Variants in RBMS3 observed in about 807,000 individuals in gnomAD.
The protein encoded by RBMS3 is RNA binding motif single stranded interacting protein 3.
In RBMS3, 27 loss-of-function variants were observed where a neutral mutation model predicts 66.8. That is an observed-to-expected ratio of 0.40 (90% CI 0.30 to 0.56). The LOEUF (loss-of-function observed/expected upper bound fraction) is 0.56, where lower values mean the gene tolerates loss of function less well. Ranked by LOEUF, RBMS3 falls within the 20% of genes least tolerant of loss-of-function variation. The pLI is 0.40. For synonymous variants in RBMS3, 188 were observed against 183.0 expected, an observed-to-expected ratio of 1.03 and a Z score of -0.22; for missense variants, 513 against 549.5, an observed-to-expected ratio of 0.93 and a Z score of 0.66.
intron 7 of RBMS3, among the ~76,000 whole-genome samples, chr3:29,878,000 A>G: frequency 6.6e-6 from 1 of 152,044 alleles, no homozygotes; most frequent in Admixed American, 6.6e-5. Context: ...GTAGAAGATA[A>G]GTTTTCCGTT....
At chr3:29,838,909 A>T (rs2058596118) in intron 6 of RBMS3, among the ~76,000 whole-genome samples, 1 of 152,166 alleles carries the variant, frequency 6.6e-6, no homozygotes, top group African/African-American at 2.4e-5. Context: ...TATAGATATG[A>T]TCAAAGATGA....
intron 3 of RBMS3, among the ~76,000 whole-genome samples, chr3:29,559,327 C>T (rs1413966682): frequency 6.6e-6 from 1 of 151,732 alleles, no homozygotes; most frequent in African/African-American, 2.4e-5. Context: ...GCTATGAATT[C>T]TGTTATTGCA....
chr3:29,543,565 C>G (rs1425988716), intron 3 of RBMS3, among the ~76,000 whole-genome samples: 1 of 151,928 alleles, frequency 6.6e-6, no homozygotes, highest in African/African-American at 2.4e-5. Flanking sequence ...CAAAAAGTAG[C>G]CAGGTTTGGT....
chr3:29,607,901 G>C (rs2048365226), intron 4 of RBMS3, among the ~76,000 whole-genome samples: 1 of 151,684 alleles, frequency 6.6e-6, no homozygotes, highest in Non-Finnish European at 1.5e-5. Flanking sequence ...AAGCTTTGTG[G>C]AAAAAGATAG....
rs539577558 is a variant in RBMS3, at chr3:29,355,371, G to C, written c.75+73615G>C. 3.9e-5 allele frequency among the ~76,000 whole-genome samples: 6 copies of C among 152,128 alleles called. No homozygotes were observed. The East Asian group carries it at 1.2e-3, about 29-fold the overall frequency. ...GGTTTCATTAAGAAGAGGTGATACA[G>C]AAAAACAACACCATATTTTTCTAAC... On this transcript the variant is annotated intron_variant, in intron 1 of 14. Transcript: ENST00000383767.
At chr3:29,762,500 A>G (rs2055735223) in intron 5 of RBMS3, among the ~76,000 whole-genome samples, 1 of 152,090 alleles carries the variant, frequency 6.6e-6, no homozygotes, top group African/African-American at 2.4e-5. Context: ...CTCTTATTGG[A>G]AAGGTAGTTT....
At chr3:29,782,058 C>T (rs1195452761) in intron 6 of RBMS3, among the ~76,000 whole-genome samples, 3 of 152,076 alleles carry the variant, frequency 2.0e-5, no homozygotes, top group Admixed American at 2.0e-4. Flanking sequence ...TACCCACCCT[C>T]GGAGTCGAAG....
chr3:29,667,589 G>T (rs1030120247), intron 4 of RBMS3, among the ~76,000 whole-genome samples: 1 of 152,164 alleles, frequency 6.6e-6, no homozygotes, highest in South Asian at 2.1e-4. Context: ...ATGCAGAACA[G>T]TAAGATGCAA....
intron 1 of RBMS3, among the ~76,000 whole-genome samples, chr3:29,308,757 A>AAAC (rs1553630892): frequency 2.4e-3 from 15 of 6,380 alleles, no homozygotes; most frequent in Non-Finnish European, 7.8e-3. Flanking sequence ...AAAAAAAAAC[A>AAAC]AAAAAAAAAA....
At chr3:29,539,393 T>C (rs1388928224) in intron 3 of RBMS3, among the ~76,000 whole-genome samples, 1 of 152,224 alleles carries the variant, frequency 6.6e-6, no homozygotes, top group Non-Finnish European at 1.5e-5. Context: ...TACTTTATGG[T>C]CCTTGAAAAG....
At chr3:29,563,940 C>A (rs554430088) in intron 3 of RBMS3, among the ~76,000 whole-genome samples, 5 of 150,098 alleles carry the variant, frequency 3.3e-5, no homozygotes, top group African/African-American at 1.2e-4. Flanking sequence ...TCATTTGAGC[C>A]TGGAAGATTG....
intron 1 of RBMS3, among the ~76,000 whole-genome samples, chr3:29,328,946 A>C (rs1307545589): frequency 6.6e-6 from 1 of 152,144 alleles, no homozygotes; most frequent in African/African-American, 2.4e-5. Flanking sequence ...GAGTGTTCAG[A>C]TGTGAAAACA....
At chr3:29,668,152 C>G (rs968749755) in intron 4 of RBMS3, among the ~76,000 whole-genome samples, 3 of 152,110 alleles carry the variant, frequency 2.0e-5, no homozygotes, top group Non-Finnish European at 4.4e-5. Flanking sequence ...AGACTAAGAG[C>G]CTTTAATACA....
chr3:29,987,481 G>A (rs755854465), intron 12 of RBMS3, among the ~76,000 whole-genome samples: 3 of 152,000 alleles, frequency 2.0e-5, no homozygotes, highest in East Asian at 1.9e-4. Flanking sequence ...TATTCATCCC[G>A]ATAAGAAAAA....
chr3:29,677,560 C>T (rs578124254), intron 4 of RBMS3, among the ~76,000 whole-genome samples: 22 of 152,106 alleles, frequency 1.4e-4, no homozygotes, highest in African/African-American at 4.6e-4. Context: ...ATAGGTGACT[C>T]ATTTTCAGGA....
chr3:29,528,283 T>G (rs1173172413), intron 3 of RBMS3, among the ~76,000 whole-genome samples: 1 of 152,074 alleles, frequency 6.6e-6, no homozygotes, highest in African/African-American at 2.4e-5. Context: ...CGGCTAATTT[T>G]TATATTTTTC....
intron 6 of RBMS3, among the ~76,000 whole-genome samples, chr3:29,780,388 T>C (rs912818266): frequency 2.8e-4 from 43 of 152,038 alleles, no homozygotes; most frequent in African/African-American, 1.0e-3. Context: ...ATATTAAACA[T>C]TTGTCCATTG....
chr3:29,423,512 A>AT, intron 1 of RBMS3, among the ~76,000 whole-genome samples: 1 of 152,290 alleles, frequency 6.6e-6, no homozygotes, highest in South Asian at 2.1e-4. Context: ...GATTAATTAC[A>AT]TTTTAAGAAA....
chr3:29,864,032 G>C (rs528618771), intron 6 of RBMS3, among the ~76,000 whole-genome samples: 1 of 152,148 alleles, frequency 6.6e-6, no homozygotes, highest in Non-Finnish European at 1.5e-5. Context: ...GGTAACAAAA[G>C]GTAGAGATGG....
Sources: allele counts gnomAD v4.1 joint callset (sites outside exome capture counted in the v4.1 genomes callset), GRCh38; gene constraint gnomAD v4.1.1; transcripts MANE v1.5; gene names NCBI Gene and HGNC (gene_info 2026-07-23, HGNC 2026-07-21).